Variants in GTF2F2 observed in about 807,000 individuals in gnomAD.
GTF2F2 encodes the protein ATP-dependent helicase GTF2F2.
A neutral mutation model predicts 42.2 loss-of-function variants in GTF2F2; 23 were observed. That is an observed-to-expected ratio of 0.55 (90% CI 0.39 to 0.77). GTF2F2 has a LOEUF of 0.77. GTF2F2 is among the 30% of genes least tolerant of loss of function. The probability of loss-of-function intolerance (pLI) is 0.00; values close to 1 mark genes in which losing one functional copy is unlikely to be tolerated. For synonymous variants in GTF2F2, 105 were observed against 100.8 expected (o/e 1.04, Z -0.25); for missense variants, 261 against 287.2 (o/e 0.91, Z 0.66).
intron 4 of GTF2F2, among the ~76,000 whole-genome samples, chr13:45,181,181 C>A (rs9590881): frequency 0.19 from 23,309 of 120,552 alleles, 2,785 homozygotes; most frequent in African/African-American, 0.31. Flanking sequence ...GACAAAAAAA[C>A]AAACAAACAA....
intron 5 of GTF2F2, among the ~76,000 whole-genome samples, chr13:45,245,897 C>T (rs1191156072): frequency 6.5e-5 from 9 of 138,646 alleles, no homozygotes; most frequent in Admixed American, 4.5e-4. Flanking sequence ...GCCCAGACTG[C>T]GCCATTGCAC....
intron 5 of GTF2F2, among the ~76,000 whole-genome samples, chr13:45,228,313 C>T (rs1214503129): frequency 5.0e-5 from 4 of 80,060 alleles, no homozygotes; most frequent in Admixed American, 1.2e-4. Flanking sequence ...GACGGAGTTT[C>T]ACTCTTGTTG....
intron 1 of GTF2F2, among the ~76,000 whole-genome samples, chr13:45,134,943 T>A (rs1869539245): frequency 6.6e-6 from 1 of 151,950 alleles, no homozygotes; most frequent in South Asian, 2.1e-4. Context: ...GACTCTAGTA[T>A]ATTGTCTAAC....
At chr13:45,171,993 T>C (rs1481383364) in intron 4 of GTF2F2, among the ~76,000 whole-genome samples, 1 of 152,204 alleles carries the variant, frequency 6.6e-6, no homozygotes, top group Admixed American at 6.5e-5. Context: ...GTTTATCCAT[T>C]CATCAGTTGA....
intron 4 of GTF2F2, among the ~76,000 whole-genome samples, chr13:45,198,250 A>G (rs1412530264): frequency 6.6e-6 from 1 of 152,174 alleles, no homozygotes; most frequent in African/African-American, 2.4e-5. Context: ...TCTTTTTACC[A>G]ACTCCTTATG....
chr13:45,201,803 G>C (rs566970956), intron 4 of GTF2F2, among the ~76,000 whole-genome samples: 1 of 152,154 alleles, frequency 6.6e-6, no homozygotes, highest in Non-Finnish European at 1.5e-5. Flanking sequence ...CTATTTCCCA[G>C]AATCCAAAGA....
chr13:45,226,277 C>T (rs560287417), intron 5 of GTF2F2, among the ~76,000 whole-genome samples: 7 of 152,302 alleles, frequency 4.6e-5, no homozygotes, highest in Non-Finnish European at 7.4e-5. Context: ...TCTAAACTTA[C>T]GCTGTTGGTT....
At chr13:45,258,626 TA>T (rs939358850) in intron 6 of GTF2F2, among the ~76,000 whole-genome samples, 1 of 152,214 alleles carries the variant, frequency 6.6e-6, no homozygotes, top group African/African-American at 2.4e-5. Flanking sequence ...TCAATGTATT[TA>T]AAAACTAAGC....
chr13:45,153,170 C>T (rs888721237), intron 4 of GTF2F2, among the ~76,000 whole-genome samples: 4 of 151,336 alleles, frequency 2.6e-5, no homozygotes, highest in African/African-American at 7.3e-5. Context: ...CCACCATGCC[C>T]GGCTAATTTT....
At chr13:45,139,595 C>T (rs1869818080) in intron 2 of GTF2F2, among the ~76,000 whole-genome samples, 1 of 152,102 alleles carries the variant, frequency 6.6e-6, no homozygotes, top group Non-Finnish European at 1.5e-5. Context: ...AAAATAGCAC[C>T]CTGCAGGCTC....
chr13:45,127,833 A>G lies in GTF2F2; in HGVS notation c.66+7112A>G, dbSNP rs181869520. ...TTTTTGGTAGAGACGGGGTTTCGCC[A>G]TGTTGGCCAGGGTGGACTCGAACTC... is the stretch of plus-strand genomic sequence containing the variant. On this transcript the variant is annotated intron_variant, in intron 1 of 7. Coordinates refer to ENST00000340473, the MANE Select transcript of GTF2F2 (RefSeq NM_004128.3). Among the ~76,000 whole-genome samples, 498 of 140,958 alleles carry G rather than the reference A, an allele frequency of 3.5e-3. 2 individuals are homozygous for G. Among genetic ancestry groups the G allele is most frequent in the Non-Finnish European group, 5.6e-3 (373 of 66,656 alleles). The allele number at this position is 140,958 out of a possible 152,430, so 92.5% of individuals were successfully genotyped here. A position where few individuals can be genotyped will look rare whatever the true frequency, so the allele number is the denominator to read the frequency against.
chr13:45,191,906 TAATGC>T (rs1872674124), intron 4 of GTF2F2, among the ~76,000 whole-genome samples: 1 of 152,168 alleles, frequency 6.6e-6, no homozygotes, highest in Non-Finnish European at 1.5e-5. Context: ...ACCTTACTTG[TAATGC>T]TTCTAAGGAG....
chr13:45,194,874 C>T (rs984360057), intron 4 of GTF2F2, among the ~76,000 whole-genome samples: 2 of 152,186 alleles, frequency 1.3e-5, no homozygotes, highest in Non-Finnish European at 2.9e-5. Context: ...AATTGAATTT[C>T]CTCTTGTCAG....
chr13:45,127,813 G>C (rs1008584369), intron 1 of GTF2F2, among the ~76,000 whole-genome samples: 16 of 150,890 alleles, frequency 1.1e-4, no homozygotes, highest in African/African-American at 3.6e-4. Flanking sequence ...TTGTATTTTT[G>C]GTAGAGACGG....
chr13:45,257,338 C>G (rs1003406178), intron 6 of GTF2F2, among the ~76,000 whole-genome samples: 6 of 152,146 alleles, frequency 3.9e-5, no homozygotes, highest in African/African-American at 1.4e-4. Context: ...TTTCCTGTAC[C>G]TTAAATCTTC....
Position 45,282,437 on chromosome 13 carries a change from T to C in GTF2F2, c.631-1005T>C, listed in dbSNP as rs547840202. On this transcript the variant is annotated intron_variant, in intron 7 of 7. Coordinates refer to ENST00000340473, the MANE Select transcript of GTF2F2 (RefSeq NM_004128.3). ...CTAAAACACCATAATATGACTCTTT[T>C]CTTTGGAGAAGCCAAACACAAGGCT... is the stretch of plus-strand genomic sequence containing the variant. 7.9e-5 allele frequency among the ~76,000 whole-genome samples: 12 copies of C among 152,328 alleles called. No individual in the cohort carries two copies. In the South Asian group the frequency reaches 2.1e-3, roughly 26 times the overall value.
rs114657476 is a variant in GTF2F2 at position 45,138,773 on chromosome 13, G to A, written c.140+1967G>A. Among the ~76,000 whole-genome samples, 824 of 152,234 alleles carry A rather than the reference G, an allele frequency of 5.4e-3. 7 individuals carry two copies. Among genetic ancestry groups the A allele is most frequent in the African/African-American group, 0.019 (791 of 41,538 alleles). ...CGATTCTCCTGCCTTAGCTTCCTGA[G>A]TAGCTGGGCTTATAGATGTGCGCCA... On this transcript the variant is annotated intron_variant, in intron 2 of 7. Coordinates refer to ENST00000340473, the MANE Select transcript of GTF2F2 (RefSeq NM_004128.3).
chr13:45,165,002 T>G (rs1345514491), intron 4 of GTF2F2, among the ~76,000 whole-genome samples: 1 of 152,192 alleles, frequency 6.6e-6, no homozygotes, highest in Non-Finnish European at 1.5e-5. Flanking sequence ...TGTTTACATC[T>G]TTATTAAGCA....
intron 7 of GTF2F2, among the ~76,000 whole-genome samples, chr13:45,276,648 C>T (rs1039288167): frequency 3.9e-5 from 6 of 152,128 alleles, no homozygotes; most frequent in Admixed American, 6.5e-5. Flanking sequence ...GCCATGTTGG[C>T]CAGGCTGGTC....
Sources: allele counts gnomAD v4.1 joint callset (sites outside exome capture counted in the v4.1 genomes callset), GRCh38; gene constraint gnomAD v4.1.1; transcripts MANE v1.5; gene names NCBI Gene and HGNC (gene_info 2026-07-23, HGNC 2026-07-21).